The following PARM1 variants were observed in gnomAD, a reference collection of about 807,000 sequenced individuals.
PARM1 encodes prostate androgen-regulated mucin-like protein 1, also known as WSC4, cell wall integrity and stress response component 4 homolog.
In PARM1, 14 loss-of-function variants were observed where a neutral mutation model predicts 24.6. The ratio of observed to expected loss-of-function variants is 0.57; its 90% CI spans 0.38 to 0.89. PARM1 has a LOEUF of 0.89. Among genes scored for constraint, PARM1 ranks in the 40% least tolerant of loss-of-function variants. PARM1 has a pLI of 0.00. For synonymous variants in PARM1, 179 were observed against 156.6 expected (o/e 1.14, Z -1.07); for missense variants, 362 against 380.4 (o/e 0.95, Z 0.40).
chr4:74,954,371 G>A (rs761813703), intron 1 of PARM1, among the ~76,000 whole-genome samples: 7 of 152,164 alleles, frequency 4.6e-5, no homozygotes, highest in Non-Finnish European at 1.0e-4. Flanking sequence ...TCTTTCTTAA[G>A]CCATGTCTAT....
At chr4:74,973,590 T>C (rs1321261469) in intron 1 of PARM1, among the ~76,000 whole-genome samples, 1 of 151,968 alleles carries the variant, frequency 6.6e-6, no homozygotes, top group African/African-American at 2.4e-5. Flanking sequence ...GCAGTACAAA[T>C]TGAATACAAA....
chr4:75,048,979 A>G lies in PARM1; in HGVS notation c.*2732A>G, dbSNP rs1723666014. 1 of 152,638 alleles carries G rather than the reference A, an allele frequency of 6.6e-6. No individual in the cohort carries two copies. Among genetic ancestry groups the G allele is most frequent in the African/African-American group, 2.4e-5 (1 of 41,458 alleles). The allele number at this position is 152,638 out of a possible 1,614,324, so 9.5% of individuals were successfully genotyped here. On this transcript the variant is annotated 3_prime_UTR_variant, in exon 4 of 4. Transcript: ENST00000307428. ...CACACATCTGAAATATATGCCGAAA[A>G]TTGACGTCTTTGACCTCAGGGAGAG...
chr4:75,005,634 A>AG (rs553479801), intron 1 of PARM1, among the ~76,000 whole-genome samples: 141 of 152,350 alleles, frequency 9.3e-4, no homozygotes, highest in Non-Finnish European at 1.7e-3. Flanking sequence ...CTGAGGACCA[A>AG]GCCAAACACT....
chr4:74,994,705 A>G (rs185493432), intron 1 of PARM1, among the ~76,000 whole-genome samples: 4 of 152,148 alleles, frequency 2.6e-5, no homozygotes, highest in Admixed American at 6.5e-5. Flanking sequence ...AGGCAGGAGA[A>G]TTGCTTGAAC....
At chr4:74,976,404 G>A (rs940094138) in intron 1 of PARM1, among the ~76,000 whole-genome samples, 1 of 152,176 alleles carries the variant, frequency 6.6e-6, no homozygotes, top group Non-Finnish European at 1.5e-5. Context: ...GCCTCCCTGG[G>A]AATTTCAGCA....
chr4:74,995,373 C>A (rs1422767342), intron 1 of PARM1, among the ~76,000 whole-genome samples: 1 of 152,184 alleles, frequency 6.6e-6, no homozygotes, highest in Non-Finnish European at 1.5e-5. Flanking sequence ...CAATCCTGAA[C>A]ACATTTACTA....
At chr4:74,969,471 G>T (rs1262495754) in intron 1 of PARM1, 2 of 152,214 alleles carry the variant, frequency 1.3e-5, no homozygotes, top group Non-Finnish European at 2.9e-5. Context: ...TAGGACATGT[G>T]TCTTGCCTTC....
chr4:74,987,832 A>G (rs1397700715), intron 1 of PARM1, among the ~76,000 whole-genome samples: 2 of 152,208 alleles, frequency 1.3e-5, no homozygotes, highest in Non-Finnish European at 2.9e-5. Flanking sequence ...GGGATACTAC[A>G]TGATCTTTGT....
chr4:74,973,811 T>C (rs1224587529), intron 1 of PARM1, among the ~76,000 whole-genome samples: 1 of 152,112 alleles, frequency 6.6e-6, no homozygotes, highest in African/African-American at 2.4e-5. Context: ...GGATCCTGTA[T>C]TGGTCATGAT....
chr4:74,964,511 C>T (rs1201624422), intron 1 of PARM1, among the ~76,000 whole-genome samples: 1 of 151,726 alleles, frequency 6.6e-6, no homozygotes, highest in Admixed American at 6.6e-5. Flanking sequence ...TCGCTGACCT[C>T]TACTCTTAAA....
At chr4:74,950,272 C>T (rs1440590197) in intron 1 of PARM1, among the ~76,000 whole-genome samples, 1 of 152,202 alleles carries the variant, frequency 6.6e-6, no homozygotes, top group Non-Finnish European at 1.5e-5. Flanking sequence ...AACTGGAAGC[C>T]TGAAATCAAG....
chr4:74,973,031 A>T (rs565239721), intron 1 of PARM1, among the ~76,000 whole-genome samples: 1 of 152,164 alleles, frequency 6.6e-6, no homozygotes, highest in African/African-American at 2.4e-5. Flanking sequence ...TGAGTCAATC[A>T]CACCTCACAG....
At chr4:75,021,929 A>G (rs986686199) in intron 2 of PARM1, among the ~76,000 whole-genome samples, 7 of 152,190 alleles carry the variant, frequency 4.6e-5, no homozygotes, top group African/African-American at 1.7e-4. Context: ...TACATGTGCA[A>G]GTGTCTTCAT....
At chr4:74,957,787 CT>C (rs980193401) in intron 1 of PARM1, among the ~76,000 whole-genome samples, 2 of 152,104 alleles carry the variant, frequency 1.3e-5, no homozygotes, top group African/African-American at 4.8e-5. Flanking sequence ...GCACCAAGAC[CT>C]TTGTGAACAA....
intron 1 of PARM1, among the ~76,000 whole-genome samples, chr4:74,940,675 T>C (rs1430078775): frequency 6.6e-6 from 1 of 152,236 alleles, no homozygotes; most frequent in Non-Finnish European, 1.5e-5. Context: ...AGACAGGAGA[T>C]AGATACCTCA....
chr4:75,014,357 AAGAT>A (rs1282294400), intron 2 of PARM1, among the ~76,000 whole-genome samples: 2 of 152,160 alleles, frequency 1.3e-5, no homozygotes, highest in Non-Finnish European at 2.9e-5. Flanking sequence ...CAACAAGAAA[AAGAT>A]AGACACTGAG....
At chr4:74,974,764 G>A (rs1301033681) in intron 1 of PARM1, among the ~76,000 whole-genome samples, 2 of 152,282 alleles carry the variant, frequency 1.3e-5, no homozygotes, top group East Asian at 3.9e-4. Flanking sequence ...AAGGCTTTCA[G>A]AAGTAATTAG....
At chr4:74,935,177 AG>A (rs1054863418) in intron 1 of PARM1, among the ~76,000 whole-genome samples, 1 of 152,000 alleles carries the variant, frequency 6.6e-6, no homozygotes, top group Admixed American at 6.5e-5. Context: ...ACAGCCTTCC[AG>A]CTGTGAGGCT....
chr4:74,975,144 G>A lies in PARM1; in HGVS notation c.44-37281G>A, dbSNP rs543557275. ...TGCAGTCTCTGCAAAGCTAGAACAGGTGGACTTTGGCATCCAGTTTTCGAA... is the reference window on the plus strand; with the variant it reads ...TGCAGTCTCTGCAAAGCTAGAACAGATGGACTTTGGCATCCAGTTTTCGAA... On this transcript the variant is annotated intron_variant, in intron 1 of 3. Coordinates refer to ENST00000307428, the MANE Select transcript of PARM1 (RefSeq NM_015393.4). 2.6e-5 allele frequency among the ~76,000 whole-genome samples: 4 copies of A among 152,294 alleles called. No individual in the cohort carries two copies. The South Asian group carries it at 6.2e-4, about 24-fold the overall frequency.
Sources: gnomAD v4.1 joint callset for allele counts (sites outside exome capture counted in the v4.1 genomes callset) on GRCh38, gnomAD v4.1.1 for gene constraint, MANE v1.5 for transcripts, NCBI Gene and HGNC (gene_info 2026-07-23, HGNC 2026-07-21) for gene names.